Variants in MMP8 observed in about 807,000 individuals in gnomAD.
The protein encoded by MMP8 is matrix metallopeptidase 8, also known as neutrophil collagenase.
A neutral mutation model predicts 51.2 loss-of-function variants in MMP8; 67 were observed. The ratio of observed to expected loss-of-function variants is 1.31; its 90% confidence interval spans 1.08 to 1.60. The LOEUF (loss-of-function observed/expected upper bound fraction) is 1.60. MMP8 is among the 40% of genes most tolerant of loss of function. The probability of loss-of-function intolerance (pLI) is 0.00; values close to 1 mark genes in which losing one functional copy is unlikely to be tolerated. For synonymous variants in MMP8, 225 were observed against 191.0 expected, an observed-to-expected ratio of 1.18 and a Z score of -1.47; for missense variants, 654 against 558.1, an observed-to-expected ratio of 1.17 and a Z score of -1.73.
chr11:102,721,508 G>A lies in MMP8; in HGVS notation c.515C>T (p.Pro172Leu), dbSNP rs751017576. 2 of 1,613,844 alleles carry A rather than the reference G, an allele frequency of 1.2e-6. No homozygotes were observed. The highest frequency in any genetic ancestry group is 1.7e-4 in the Middle Eastern group (1 of 6,058). ...AAGGATTCCATTGGGTCCATCAAAT[G>A]GAGAATTGTCACCGTGATCTGAAAT... The part of the protein sequence containing the change: ...FYQRDHGDNS[P>L]FDGPNGILAH... The change falls in exon 4 of 10, where the codon CCA becomes CTA. Residue 172 changes from proline to leucine, a missense_variant. Pro to Leu is a moderately conservative substitution (Grantham distance 98, BLOSUM62 -3). Coordinates refer to ENST00000236826, the MANE Select transcript of MMP8 (RefSeq NM_002424.3).
rs774785778 is a variant in MMP8 at position 102,713,444 on chromosome 11, G to T, written c.1308C>A (p.Val436=). 4 of 1,610,172 alleles carry T rather than the reference G, an allele frequency of 2.5e-6. No individual in the cohort carries two copies. Among genetic ancestry groups the T allele is most frequent in the Non-Finnish European group, 3.4e-6 (4 of 1,176,594 alleles). Residue 436 remains valine (V), a synonymous_variant, in exon 10 of 10, where the codon GTC becomes GTA. Coordinates refer to ENST00000236826, the MANE Select transcript of MMP8 (RefSeq NM_002424.3). ...AVFQQEHFFH[V]FSGPRYYAFD... ...ATGCGTAATATCTTGGTCCACTGAA[G>T]ACATGGAAGAAATCTATAAAAAAAG...
Position 102,712,794 on chromosome 11 carries a change from C to G in MMP8, c.*554G>C, listed in dbSNP as rs1291107259. 1 of 152,348 alleles carries G rather than the reference C, an allele frequency of 6.6e-6. No homozygotes were observed. The highest frequency in any genetic ancestry group is 1.5e-5 in the Non-Finnish European group (1 of 68,222). The allele number at this position is 152,348 out of a possible 1,614,324, so 9.4% of individuals were successfully genotyped here. A position where few individuals can be genotyped will look rare whatever the true frequency, so the allele number is the denominator to read the frequency against. ...CCTGGTAAGCTCACATTCATGGGTA[C>G]CTGGGGTTAGAACTTCAACATATCT... is the stretch of plus-strand genomic sequence containing the variant. On this transcript the variant is annotated 3_prime_UTR_variant, in exon 10 of 10. Transcript: ENST00000236826.
Position 102,722,667 on chromosome 11 carries a change from G to A in MMP8, c.109C>T (p.Leu37=), listed in dbSNP as rs1861510397. The A allele has an allele frequency of 1.2e-6, 2 of 1,613,568 alleles. No homozygotes were observed. Among genetic ancestry groups the A allele is most frequent in the African/African-American group, 2.7e-5 (2 of 75,004 alleles). ...CTTGGTAATTGGTAGAACTTTTCCA[G>A]GTAGTCCTGGACAAAGACAAGCACA... ...EKNTKTVQDY[L]EKFYQLPSNQ... Residue 37 remains leucine, a synonymous_variant, in exon 2 of 10, where the codon CTG becomes TTG. Coordinates refer to ENST00000236826, the MANE Select transcript of MMP8 (RefSeq NM_002424.3).
In MMP8 at chr11:102,715,332, A is replaced by C. The variant is rs1861258089; in HGVS notation, c.1008T>G (p.Phe336Leu). 1.2e-6 allele frequency: 2 copies of C among 1,612,244 alleles called. No homozygotes were observed. Among genetic ancestry groups the C allele is most frequent in the Non-Finnish European group, 1.7e-6 (2 of 1,179,416 alleles). ...TAAATAGGAAAATGAGGTCTCTGTC[A>C]AAATCTTCATAAGCAGCCTGTATAC... ...PTGIQAAYEDFDRDLIFLFKG... is the reference protein window; with the variant it reads ...PTGIQAAYEDLDRDLIFLFKG... Residue 336 changes from phenylalanine (F) to leucine (L), a missense_variant, in exon 7 of 10, where the codon TTT becomes TTG. Physicochemically the swap from Phe to Leu is conservative, Grantham distance 22. Coordinates refer to ENST00000236826, the MANE Select transcript of MMP8 (RefSeq NM_002424.3).
rs773777919 is a variant in MMP8, at chr11:102,713,888, C to T, written c.1191-31G>A. 22 of 1,541,426 alleles carry T rather than the reference C, an allele frequency of 1.4e-5. No individual in the cohort carries two copies. In the African/African-American group the frequency reaches 2.8e-4, roughly 19 times the overall value. On this transcript the variant is annotated intron_variant, in intron 8 of 9. Coordinates refer to ENST00000236826, the MANE Select transcript of MMP8 (RefSeq NM_002424.3). ...AAAAACAAAATGTTATCCGATTTAA[C>T]ACCAATACAGAATATAACGAAAAAA...
chr11:102,717,622 T>A (rs1861337010), intron 5 of MMP8, among the ~76,000 whole-genome samples: 1 of 152,174 alleles, frequency 6.6e-6, no homozygotes, highest in South Asian at 2.1e-4. Flanking sequence ...TACCACATTT[T>A]ATCTGTATAG....
Position 102,714,647 on chromosome 11 carries a change from T to C in MMP8, c.1099A>G (p.Asn367Asp). ...TGGACGCTGCTGGGGAAGCCATAGT[T>C]TGATATATCCTTGGGATAACCTTGC... ...ILQGYPKDIS[N>D]YGFPSSVQAI... Residue 367 changes from asparagine to aspartate, a missense_variant, in exon 8 of 10, where the codon AAC becomes GAC. Asn to Asp is a conservative substitution (Grantham distance 23, BLOSUM62 1). Coordinates refer to ENST00000236826, the MANE Select transcript of MMP8 (RefSeq NM_002424.3). The C allele has an allele frequency of 6.4e-7, 1 of 1,556,672 alleles. No homozygotes were observed.
chr11:102,722,371 A>G (rs1008950513), intron 2 of MMP8, 58 bp downstream of exon 2: 31 of 1,566,818 alleles, frequency 2.0e-5, no homozygotes, highest in African/African-American at 1.5e-4. Context: ...TGTCTGTCAT[A>G]TAAGAGCCCA....
At chr11:102,715,510 A>G (rs1255978154) in intron 6 of MMP8, 73 bp from the exon 7 acceptor site, 6 of 1,536,126 alleles carry the variant, frequency 3.9e-6, no homozygotes, top group Non-Finnish European at 5.2e-6. Flanking sequence ...TGTGACTTTT[A>G]GGCTAGTGAT....
chr11:102,718,847 A>C (rs1446337084), intron 4 of MMP8, among the ~76,000 whole-genome samples: 1 of 152,178 alleles, frequency 6.6e-6, no homozygotes, highest in African/African-American at 2.4e-5. Flanking sequence ...ACATTTTACA[A>C]ATGTGCATCT....
At chr11:102,724,596 A>G (rs950020050) in intron 1 of MMP8, among the ~76,000 whole-genome samples, 158 bp downstream of exon 1, 7 of 152,216 alleles carry the variant, frequency 4.6e-5, no homozygotes, top group African/African-American at 1.7e-4. Flanking sequence ...AGTCCTTACC[A>G]GCTTGGAACC....
rs1413221758 is a variant in MMP8, at chr11:102,721,776, G to A, written c.348-14C>T. On this transcript the variant is annotated splice_polypyrimidine_tract_variant and intron_variant, in intron 2 of 9. Coordinates refer to ENST00000236826, the MANE Select transcript of MMP8 (RefSeq NM_002424.3). Reference sequence around the variant, plus strand: ...TAGTTTCGAATCCTTCAAAATGAGAGGATGTATGAAGAGTTAAATGTTATT... The same window carrying A: ...TAGTTTCGAATCCTTCAAAATGAGAAGATGTATGAAGAGTTAAATGTTATT... 1.2e-6 allele frequency: 2 copies of A among 1,612,872 alleles called. No individual in the cohort carries two copies. The highest frequency in any genetic ancestry group is 1.7e-6 in the Non-Finnish European group (2 of 1,179,388).
At chr11:102,723,580 A>T (rs1349745188) in intron 1 of MMP8, 1 of 445,406 alleles carries the variant, frequency 2.2e-6, no homozygotes, top group Admixed American at 2.5e-5. Context: ...ACAAAAGGGG[A>T]GCAAGCATGT....
intron 1 of MMP8, chr11:102,722,876 G>T: frequency 9.7e-7 from 1 of 1,029,980 alleles, no homozygotes; most frequent in Non-Finnish European, 1.4e-6. Flanking sequence ...TCCAGTTAAT[G>T]GTTATGCATA....
rs1565440975 is a variant in MMP8 at position 102,721,612 on chromosome 11, A to C, written c.496+2T>G. 6.2e-7 allele frequency: 1 copy of C among 1,613,672 alleles called. No individual in the cohort carries two copies. The highest frequency in any genetic ancestry group is 1.1e-5 in the South Asian group (1 of 91,060). On this transcript the variant is annotated splice_donor_variant, in intron 3 of 9. Transcript: ENST00000236826. LOFTEE classifies it high-confidence loss of function. ...AACTGAGCATGACTGCTTTGTACCT[A>C]CCTCTTTGGTAAAAAGCAATGTTGA...
Position 102,721,443 on chromosome 11 carries a change from C to A in MMP8, c.580G>T (p.Ala194Ser). 1 of 1,613,732 alleles carries A rather than the reference C, an allele frequency of 6.2e-7. No homozygotes were observed. The highest frequency in any genetic ancestry group is 1.3e-5 in the African/African-American group (1 of 74,976). Residue 194 changes from alanine to serine, a missense_variant, in exon 4 of 10, where the codon GCT becomes TCT. Transcript: ENST00000236826. ...FQPGQGIGGD[A>S]HFDAEETWTN... ...CATGTTTCTTCGGCATCAAAATGAG[C>A]ATCTCCTCCAATACCTTGGCCTGGC...
In MMP8 at chr11:102,715,350, C is replaced by A. The variant is rs771998683; in HGVS notation, c.990G>T (p.Gln330His). Residue 330 changes from glutamine (Q) to histidine (H), a missense_variant, in exon 7 of 10, where the codon CAG becomes CAT. Coordinates refer to ENST00000236826, the MANE Select transcript of MMP8 (RefSeq NM_002424.3). ...LFWPSLPTGI[Q>H]AAYEDFDRDL... ...CTCTGTCAAAATCTTCATAAGCAGC[C>A]TGTATACCAGTTGGAAGGGATGGCC... 10 of 1,613,450 alleles carry A rather than the reference C, an allele frequency of 6.2e-6. No individual in the cohort carries two copies. Among genetic ancestry groups the A allele is most frequent in the Non-Finnish European group, 7.6e-6 (9 of 1,179,764 alleles).
rs1591668806 is a variant in MMP8 at position 102,712,317 on chromosome 11, A to C, written c.*1031T>G. 1 of 152,518 alleles carries C rather than the reference A, an allele frequency of 6.6e-6. No individual in the cohort carries two copies. Among genetic ancestry groups the C allele is most frequent in the East Asian group, 1.9e-4 (1 of 5,184 alleles). 9.4% of individuals were successfully genotyped at this position (152,518 alleles called of 1,614,324 possible). On this transcript the variant is annotated 3_prime_UTR_variant, in exon 10 of 10. Transcript: ENST00000236826. Reference sequence around the variant, plus strand: ...CTCTTTTGGCTGCTGTCCTGGGAAGATGCCCAGTAGTCCTTAGCAAGGGTT... The same window carrying C: ...CTCTTTTGGCTGCTGTCCTGGGAAGCTGCCCAGTAGTCCTTAGCAAGGGTT...
chr11:102,713,604 G>A, intron 9 of MMP8, 147 bp from the exon 10 acceptor site: 2 of 980,472 alleles, frequency 2.0e-6, no homozygotes, highest in Non-Finnish European at 3.1e-6. Context: ...GGTGGCTAAT[G>A]CCTGTAATCC....
Sources: allele counts gnomAD v4.1 joint callset (sites outside exome capture counted in the v4.1 genomes callset), GRCh38; gene constraint gnomAD v4.1.1; transcripts MANE v1.5; gene names NCBI Gene and HGNC (gene_info 2026-07-23, HGNC 2026-07-21).